The following LRP1B variants were observed in gnomAD, a reference collection of about 807,000 sequenced individuals.
The protein encoded by LRP1B is LDL receptor related protein 1B.
LRP1B carries 217 observed loss-of-function variants against 556.6 expected under a neutral mutation model. The ratio of observed to expected loss-of-function variants is 0.39; its 90% CI spans 0.35 to 0.44. The LOEUF is 0.44. Among genes scored for constraint, LRP1B ranks in the 20% least tolerant of loss-of-function variants. The pLI is 1.00. For synonymous variants in LRP1B, 2,047 were observed against 1,865.8 expected (o/e 1.10, Z -2.50); for missense variants, 5,053 against 5,620.8 (o/e 0.90, Z 3.23).
chr2:140,281,104 A>ACT lies in LRP1B; in HGVS notation c.12968-6508_12968-6507dup, dbSNP rs201746933. On this transcript the variant is annotated intron_variant, in intron 84 of 90. Coordinates refer to ENST00000389484, the MANE Select transcript of LRP1B (RefSeq NM_018557.3). ...TTTTCAAGGGAGATCATTATTGCAC[A>ACT]CTCTCTCTTTTTCTTTCTCTTTTAA... Among the ~76,000 whole-genome samples the ACT allele has an allele frequency of 2.6e-5, 4 of 151,852 alleles. No homozygotes were observed. The South Asian group carries it at 8.3e-4, about 32-fold the overall frequency.
chr2:141,471,502 A>G (rs989572987), intron 3 of LRP1B, among the ~76,000 whole-genome samples: 2 of 152,072 alleles, frequency 1.3e-5, no homozygotes, highest in Admixed American at 1.3e-4. Context: ...ATGCCTCTGT[A>G]TATGTAGTTC....
intron 43 of LRP1B, among the ~76,000 whole-genome samples, chr2:140,577,719 G>A (rs569782770): frequency 2.6e-4 from 40 of 152,046 alleles, no homozygotes; most frequent in Middle Eastern, 6.8e-3. Flanking sequence ...CACCAAACCT[G>A]GTTGCACTAC....
At chr2:140,656,638 T>C (rs999202458) in intron 41 of LRP1B, among the ~76,000 whole-genome samples, 1 of 152,194 alleles carries the variant, frequency 6.6e-6, no homozygotes, top group African/African-American at 2.4e-5. Context: ...GGACTACTTC[T>C]GATTTTTCTG....
chr2:141,945,931 GA>G (rs373329840), intron 1 of LRP1B, among the ~76,000 whole-genome samples: 56,453 of 150,980 alleles, frequency 0.37, 11,447 homozygotes, highest in Admixed American at 0.5. Context: ...AAACCAGCAG[GA>G]TTTATTTATT....
chr2:140,585,737 C>A (rs1000595556), intron 43 of LRP1B, among the ~76,000 whole-genome samples: 1 of 152,064 alleles, frequency 6.6e-6, no homozygotes, highest in Admixed American at 6.5e-5. Flanking sequence ...GTCATATATT[C>A]ATATAAACTT....
At chr2:141,211,970 G>GA (rs1480317363) in intron 6 of LRP1B, among the ~76,000 whole-genome samples, 1 of 151,872 alleles carries the variant, frequency 6.6e-6, no homozygotes, top group Non-Finnish European at 1.5e-5. Context: ...CTATGACTCA[G>GA]AAAAAAGCCA....
chr2:141,377,278 T>C (rs907948836), intron 3 of LRP1B, among the ~76,000 whole-genome samples: 4 of 152,182 alleles, frequency 2.6e-5, no homozygotes, highest in Non-Finnish European at 4.4e-5. Context: ...ATAGAATGTG[T>C]GTATATTTTA....
At chr2:141,658,631 A>C (rs1018256107) in intron 2 of LRP1B, among the ~76,000 whole-genome samples, 7 of 152,252 alleles carry the variant, frequency 4.6e-5, no homozygotes, top group African/African-American at 1.7e-4. Context: ...AGAACTGCCC[A>C]GTCAATCCAC....
At chr2:140,563,826 T>C (rs896319834) in intron 43 of LRP1B, among the ~76,000 whole-genome samples, 2 of 152,216 alleles carry the variant, frequency 1.3e-5, no homozygotes, top group Non-Finnish European at 2.9e-5. Context: ...AAGAACTACA[T>C]ACTTTATTCA....
intron 66 of LRP1B, among the ~76,000 whole-genome samples, chr2:140,406,517 T>C (rs757727919): frequency 9.2e-5 from 14 of 152,066 alleles, no homozygotes; most frequent in Non-Finnish European, 1.8e-4. Context: ...AAAGTCAATG[T>C]ACAGAAGTCA....
intron 41 of LRP1B, among the ~76,000 whole-genome samples, chr2:140,643,202 C>T (rs1032040647): frequency 1.3e-5 from 2 of 151,916 alleles, no homozygotes; most frequent in Non-Finnish European, 2.9e-5. Flanking sequence ...ATACCCAGGA[C>T]GCCTTTCCTT....
intron 18 of LRP1B, among the ~76,000 whole-genome samples, chr2:140,978,669 T>C (rs548199492): frequency 1.3e-5 from 2 of 152,348 alleles, no homozygotes; most frequent in East Asian, 1.9e-4. Flanking sequence ...TTCTTTCTTA[T>C]AATAACTTTA....
At chr2:141,858,956 G>C (rs1698153324) in intron 1 of LRP1B, among the ~76,000 whole-genome samples, 1 of 151,784 alleles carries the variant, frequency 6.6e-6, no homozygotes, top group Non-Finnish European at 1.5e-5. Context: ...TGGAAGAGGA[G>C]GAGAGAACAT....
intron 3 of LRP1B, among the ~76,000 whole-genome samples, chr2:141,367,099 C>T (rs1026221044): frequency 1.3e-5 from 2 of 152,092 alleles, no homozygotes; most frequent in African/African-American, 4.8e-5. Context: ...ACTATTGCTG[C>T]TTTTCTTAGC....
intron 2 of LRP1B, among the ~76,000 whole-genome samples, chr2:141,792,811 T>C (rs1033466149): frequency 6.6e-6 from 1 of 151,980 alleles, no homozygotes; most frequent in African/African-American, 2.4e-5. Flanking sequence ...GATCTGGTTA[T>C]GTCATAATAT....
intron 2 of LRP1B, among the ~76,000 whole-genome samples, chr2:141,523,129 T>A (rs10928110): frequency 0.034 from 5,190 of 151,900 alleles, 149 homozygotes; most frequent in South Asian, 0.12. Flanking sequence ...TTTTAAAACA[T>A]CATGATGTAA....
chr2:141,911,125 A>C (rs191265601), intron 1 of LRP1B, among the ~76,000 whole-genome samples: 119 of 152,238 alleles, frequency 7.8e-4, no homozygotes, highest in Non-Finnish European at 7.8e-4. Flanking sequence ...TTAAGTATTC[A>C]AATTGTGTTT....
At chr2:141,161,537 A>G (rs1041735672) in intron 7 of LRP1B, among the ~76,000 whole-genome samples, 1 of 152,140 alleles carries the variant, frequency 6.6e-6, no homozygotes, top group African/African-American at 2.4e-5. Context: ...TTGTGAGACA[A>G]TTCTCTATTG....
At chr2:140,851,893 T>G in intron 27 of LRP1B, 110 bp from the exon 28 acceptor site, 1 of 823,114 alleles carries the variant, frequency 1.2e-6, no homozygotes, top group Non-Finnish European at 1.9e-6. Flanking sequence ...GTTTCCTACA[T>G]AGAACCCATT....
Sources: allele counts gnomAD v4.1 joint callset (sites outside exome capture counted in the v4.1 genomes callset), GRCh38; gene constraint gnomAD v4.1.1; transcripts MANE v1.5; gene names NCBI Gene and HGNC (gene_info 2026-07-23, HGNC 2026-07-21).